Variants in SNCAIP observed in about 807,000 individuals in gnomAD.
The protein encoded by SNCAIP is synphilin-1.
SNCAIP carries 43 observed loss-of-function variants against 86.7 expected under a neutral mutation model. That is an observed-to-expected ratio of 0.50 (90% CI 0.39 to 0.64). SNCAIP has a LOEUF of 0.64. SNCAIP is among the 30% of genes least tolerant of loss of function. SNCAIP has a pLI of 0.00. For missense variants in SNCAIP, 981 were observed against 1,103.1 expected, an observed-to-expected ratio of 0.89 and a Z score of 1.57; for synonymous variants, 417 against 427.2, an observed-to-expected ratio of 0.98 and a Z score of 0.29.
At chr5:122,374,229 C>G (rs531111582) in intron 1 of SNCAIP, among the ~76,000 whole-genome samples, 1 of 152,218 alleles carries the variant, frequency 6.6e-6, no homozygotes, top group East Asian at 1.9e-4. Context: ...GGGCCAAGTT[C>G]AGTATTTTAT....
chr5:122,433,397 G>T (rs1778799166), intron 6 of SNCAIP, among the ~76,000 whole-genome samples: 1 of 152,068 alleles, frequency 6.6e-6, no homozygotes, highest in African/African-American at 2.4e-5. Context: ...TTTCAACTCA[G>T]ATTCTCTCAC....
chr5:122,450,647 C>T lies in SNCAIP; in HGVS notation c.1800C>T (p.Ser600=). 2.5e-6 allele frequency: 4 copies of T among 1,613,982 alleles called. No individual in the cohort carries two copies. Among genetic ancestry groups the T allele is most frequent in the Non-Finnish European group, 3.4e-6 (4 of 1,179,880 alleles). ...AAGAGGGGATTCAGGTTCTTGGAAGCCTGTCAGCCTCCAGCCGGGCTAGAC... is the reference window on the plus strand; with the variant it reads ...AAGAGGGGATTCAGGTTCTTGGAAGTCTGTCAGCCTCCAGCCGGGCTAGAC... ...GVQEGIQVLG[S]LSASSRARPK... Residue 600 remains serine (S), a synonymous_variant, in exon 10 of 11, where the codon AGC becomes AGT. Coordinates refer to ENST00000261368, the MANE Select transcript of SNCAIP (RefSeq NM_005460.4).
intron 1 of SNCAIP, among the ~76,000 whole-genome samples, chr5:122,357,296 C>T (rs1416209084): frequency 2.6e-5 from 4 of 151,994 alleles, no homozygotes; most frequent in Non-Finnish European, 2.9e-5. Context: ...AGTGCAGTGG[C>T]GTGATCTCGG....
In SNCAIP at chr5:122,463,655, C is replaced by A; in HGVS notation, c.*159C>A. On this transcript the variant is annotated 3_prime_UTR_variant, in exon 11 of 11. Transcript: ENST00000261368. ...TGGACTATCCTCTTTGGAAAGAGAACCATGAAAACAATGCCTCACCAGCAG... is the reference window on the plus strand; with the variant it reads ...TGGACTATCCTCTTTGGAAAGAGAAACATGAAAACAATGCCTCACCAGCAG... 1 of 707,052 alleles carries A rather than the reference C, an allele frequency of 1.4e-6. No individual in the cohort carries two copies. The allele number at this position is 707,052 out of a possible 1,614,324, so 43.8% of individuals were successfully genotyped here.
intron 7 of SNCAIP, chr5:122,443,455 G>T: frequency 3.1e-6 from 1 of 318,700 alleles, no homozygotes; most frequent in Non-Finnish European, 6.4e-6. Flanking sequence ...CACAACTAAT[G>T]ATACCTTGGC....
intron 3 of SNCAIP, among the ~76,000 whole-genome samples, chr5:122,409,827 T>C (rs980693249): frequency 2.4e-4 from 36 of 152,246 alleles, no homozygotes; most frequent in African/African-American, 8.7e-4. Flanking sequence ...TGATGCTAAA[T>C]ATATAAACCT....
chr5:122,408,060 G>T (rs1342720455), intron 3 of SNCAIP, among the ~76,000 whole-genome samples: 2 of 152,178 alleles, frequency 1.3e-5, no homozygotes, highest in African/African-American at 4.8e-5. Flanking sequence ...TCTTGGGCCT[G>T]TCTTCTCCAG....
At chr5:122,329,721 A>C (rs1387302163) in intron 1 of SNCAIP, among the ~76,000 whole-genome samples, 2 of 152,254 alleles carry the variant, frequency 1.3e-5, no homozygotes, top group African/African-American at 2.4e-5. Flanking sequence ...AGAGTAAAAT[A>C]ACATGGCTTT....
At chr5:122,448,666 TATATTATA>T (rs1782964240) in intron 8 of SNCAIP, among the ~76,000 whole-genome samples, 1 of 111,876 alleles carries the variant, frequency 8.9e-6, no homozygotes, top group Non-Finnish European at 2.0e-5. Context: ...ATATATTATA[TATATTATA>T]TATGTTATAT....
At chr5:122,407,992 G>A (rs1296073946) in intron 3 of SNCAIP, among the ~76,000 whole-genome samples, 1 of 152,188 alleles carries the variant, frequency 6.6e-6, no homozygotes, top group Non-Finnish European at 1.5e-5. Flanking sequence ...TGGAACCACA[G>A]AAAAGGACAG....
intron 3 of SNCAIP, among the ~76,000 whole-genome samples, chr5:122,408,203 G>A (rs1773395703): frequency 6.6e-6 from 1 of 152,172 alleles, no homozygotes; most frequent in Non-Finnish European, 1.5e-5. Flanking sequence ...TCCACATGTG[G>A]TCTGCTCGGA....
chr5:122,365,830 G>C (rs1763068607), intron 1 of SNCAIP, among the ~76,000 whole-genome samples: 1 of 152,194 alleles, frequency 6.6e-6, no homozygotes, highest in African/African-American at 2.4e-5. Flanking sequence ...GATCTCATCA[G>C]GCGGGATGCA....
chr5:122,359,843 T>A (rs1326055895), intron 1 of SNCAIP, among the ~76,000 whole-genome samples: 1 of 152,218 alleles, frequency 6.6e-6, no homozygotes, highest in Non-Finnish European at 1.5e-5. Context: ...GCATAATATG[T>A]CTTCAAAAGC....
At chr5:122,322,507 G>A (rs1188962542) in intron 1 of SNCAIP, among the ~76,000 whole-genome samples, 1 of 152,182 alleles carries the variant, frequency 6.6e-6, no homozygotes, top group East Asian at 1.9e-4. Context: ...CTGGAAAGTT[G>A]AATAAGGTCT....
intron 1 of SNCAIP, among the ~76,000 whole-genome samples, chr5:122,319,956 G>T (rs1044353235): frequency 6.6e-6 from 1 of 152,218 alleles, no homozygotes; most frequent in Non-Finnish European, 1.5e-5. Context: ...ACTACTTCAT[G>T]CTGCTTCCGC....
intron 3 of SNCAIP, among the ~76,000 whole-genome samples, chr5:122,417,254 GC>G (rs1300488924): frequency 6.6e-6 from 1 of 152,246 alleles, no homozygotes; most frequent in East Asian, 1.9e-4. Flanking sequence ...AATCAGCATA[GC>G]CTCATAATTA....
intron 1 of SNCAIP, among the ~76,000 whole-genome samples, chr5:122,346,070 C>A (rs1484979384): frequency 6.6e-6 from 1 of 152,082 alleles, no homozygotes; most frequent in Non-Finnish European, 1.5e-5. Flanking sequence ...TCTGGTAGAA[C>A]ATTTTGTTCA....
intron 1 of SNCAIP, among the ~76,000 whole-genome samples, chr5:122,361,241 A>G (rs1762149652): frequency 6.7e-6 from 1 of 149,860 alleles, no homozygotes; most frequent in Non-Finnish European, 1.5e-5. Flanking sequence ...TTATCATTTG[A>G]TAGTCAGATC....
chr5:122,344,514 G>C (rs1437482126), intron 1 of SNCAIP, among the ~76,000 whole-genome samples: 1 of 152,150 alleles, frequency 6.6e-6, no homozygotes, highest in Admixed American at 6.6e-5. Context: ...AGAGGAGAGG[G>C]CTTTGAGCTA....
Sources: allele counts gnomAD v4.1 joint callset (sites outside exome capture counted in the v4.1 genomes callset), GRCh38; gene constraint gnomAD v4.1.1; transcripts MANE v1.5; gene names NCBI Gene and HGNC (gene_info 2026-07-23, HGNC 2026-07-21).